Variants in PEF1 observed in about 807,000 individuals in gnomAD.
PEF1 encodes the protein penta-EF-hand domain containing 1.
PEF1 carries 17 observed loss-of-function variants against 32.0 expected under a neutral mutation model. The ratio of observed to expected loss-of-function variants is 0.53; its 90% CI spans 0.36 to 0.80. The LOEUF (loss-of-function observed/expected upper bound fraction) is 0.80. PEF1 is among the 30% of genes least tolerant of loss of function. The probability of loss-of-function intolerance (pLI) is 0.00; values close to 1 mark genes in which losing one functional copy is unlikely to be tolerated. For missense variants in PEF1, 362 were observed against 369.1 expected (o/e 0.98, Z 0.16); for synonymous variants, 130 against 139.8 (o/e 0.93, Z 0.50).
chr1:31,632,696 C>CTGAGGGGGA, intron 3 of PEF1, 58 bp from the exon 4 acceptor site: 1 of 1,566,226 alleles, frequency 6.4e-7, no homozygotes, highest in Non-Finnish European at 8.7e-7. Flanking sequence ...GCCAAGGGTC[C>CTGAGGGGGA]CCCTCAGGAC....
intron 1 of PEF1, among the ~76,000 whole-genome samples, chr1:31,640,895 T>C (rs1640375640): frequency 6.6e-6 from 1 of 151,934 alleles, no homozygotes. Flanking sequence ...CAAAGACAAG[T>C]TTGTACCCCA....
intron 1 of PEF1, among the ~76,000 whole-genome samples, chr1:31,637,846 C>T (rs552221118): frequency 2.0e-4 from 31 of 152,216 alleles, no homozygotes; most frequent in South Asian, 1.2e-3. Flanking sequence ...CTGAAAACCA[C>T]TCACATAAGA....
chr1:31,644,485 C>T, intron 1 of PEF1: 1 of 1,238,444 alleles, frequency 8.1e-7, no homozygotes, highest in Non-Finnish European at 1.0e-6. Flanking sequence ...ATCGGCGGAA[C>T]CAGAACTCTA....
At chr1:31,637,980 T>C (rs1640301055) in intron 1 of PEF1, among the ~76,000 whole-genome samples, 1 of 152,162 alleles carries the variant, frequency 6.6e-6, no homozygotes, top group African/African-American at 2.4e-5. Flanking sequence ...GGGTGGGGTA[T>C]AAAGGAGAGT....
intron 1 of PEF1, among the ~76,000 whole-genome samples, chr1:31,641,078 C>G (rs1640380231): frequency 6.6e-6 from 1 of 152,206 alleles, no homozygotes; most frequent in African/African-American, 2.4e-5. Context: ...ACTTCAATTA[C>G]CTCTGTGCTC....
chr1:31,643,821 G>A lies in PEF1; in HGVS notation c.24+1020C>T, dbSNP rs139708944. ...TCATCTCCTAAATAACTGTGTGATC[G>A]CAGCCCTCTGTGGGCTTCATTTCCT... On this transcript the variant is annotated intron_variant, in intron 1 of 4. Coordinates refer to ENST00000373703, the MANE Select transcript of PEF1 (RefSeq NM_012392.4). Among the ~76,000 whole-genome samples the A allele has an allele frequency of 2.7e-3, 408 of 152,208 alleles. 3 individuals are homozygous for A. The highest frequency in any genetic ancestry group is 9.2e-3 in the African/African-American group (381 of 41,498).
Position 31,633,281 on chromosome 1 carries a change from T to A in PEF1, c.359A>T (p.Tyr120Phe). ...GAPPNVDPEA[Y>F]SWFQSVDSDH... ...TGAGTCCACCGACTGGAACCAGGAG[T>A]AGGCCTCAGGATCCACATTGGGAGG... The change falls in exon 3 of 5, where the codon TAC (tyrosine) becomes TTC (phenylalanine). Residue 120 changes from tyrosine to phenylalanine, a missense_variant. Tyr to Phe is a conservative substitution (Grantham distance 22, BLOSUM62 3). Transcript: ENST00000373703. 1.2e-6 allele frequency: 2 copies of A among 1,613,472 alleles called. No individual in the cohort carries two copies. Among genetic ancestry groups the A allele is most frequent in the Non-Finnish European group, 1.7e-6 (2 of 1,179,748 alleles).
At position 31,630,678 on chromosome 1, in the gene PEF1, C is replaced by G. The variant is rs749213335; in HGVS notation, c.790G>C (p.Val264Leu). The G allele has an allele frequency of 5.0e-6, 8 of 1,613,794 alleles. No homozygotes were observed. The Admixed American group carries it at 1.2e-4, about 24-fold the overall frequency. ...TEAFREKDTA[V>L]QGNIRLSFED... is the part of the protein sequence containing the mutation. ...AAGCTGAGCCGAATGTTGCCTTGTACAGCTGTGTCCTTCTCCCGGAAGGCC... is the reference window on the plus strand; with the variant it reads ...AAGCTGAGCCGAATGTTGCCTTGTAGAGCTGTGTCCTTCTCCCGGAAGGCC... Residue 264 changes from valine to leucine, a missense_variant, in exon 5 of 5, where the codon GTA becomes CTA. Physicochemically the swap from Val to Leu is conservative, Grantham distance 32. Coordinates refer to ENST00000373703, the MANE Select transcript of PEF1 (RefSeq NM_012392.4).
At chr1:31,630,986 T>C in intron 4 of PEF1, 144 bp from the exon 5 acceptor site, 3 of 727,904 alleles carry the variant, frequency 4.1e-6, no homozygotes, top group Non-Finnish European at 4.7e-6. Flanking sequence ...ATCCCAAGGG[T>C]CTGTCTAAGA....
At chr1:31,642,334 G>A (rs939880841) in intron 1 of PEF1, among the ~76,000 whole-genome samples, 3 of 152,196 alleles carry the variant, frequency 2.0e-5, no homozygotes, top group African/African-American at 7.2e-5. Context: ...GCAGGGATTT[G>A]AAATCAACTC....
Position 31,630,537 on chromosome 1 carries a change from G to T in PEF1, c.*76C>A. ...CTTCTAGAGGGACAGGAAAAGAAGA[G>T]ATGTCCACATACTTCTCTCACTCTA... On this transcript the variant is annotated 3_prime_UTR_variant, in exon 5 of 5. Transcript: ENST00000373703. The T allele has an allele frequency of 7.4e-7, 1 of 1,351,920 alleles. No homozygotes were observed. The highest frequency in any genetic ancestry group is 1.0e-6 in the Non-Finnish European group (1 of 958,614). 83.7% of individuals were successfully genotyped at this position (1,351,920 alleles called of 1,614,324 possible).
At chr1:31,630,936 T>C in intron 4 of PEF1, 94 bp from the exon 5 acceptor site, 1 of 1,047,472 alleles carries the variant, frequency 9.5e-7, no homozygotes. Context: ...TTCAAGGAAC[T>C]TCGAGAGGAT....
chr1:31,637,833 A>C (rs12091663), intron 1 of PEF1, among the ~76,000 whole-genome samples: 55 of 152,248 alleles, frequency 3.6e-4, no homozygotes, highest in African/African-American at 1.3e-3. Context: ...CTGAAAAGAC[A>C]GTCTGAAAAC....
At chr1:31,643,113 G>A (rs952699538) in intron 1 of PEF1, among the ~76,000 whole-genome samples, 7 of 152,320 alleles carry the variant, frequency 4.6e-5, no homozygotes, top group Admixed American at 1.3e-4. Context: ...GAAACAAGGC[G>A]CTATGAATGT....
chr1:31,633,594 C>G (rs181891766), intron 2 of PEF1, among the ~76,000 whole-genome samples: 1 of 152,238 alleles, frequency 6.6e-6, no homozygotes, highest in Non-Finnish European at 1.5e-5. Flanking sequence ...GGGACCTGTA[C>G]CCCTGTAGCA....
chr1:31,641,746 C>T (rs753815918), intron 1 of PEF1, among the ~76,000 whole-genome samples: 1 of 152,260 alleles, frequency 6.6e-6, no homozygotes, highest in Non-Finnish European at 1.5e-5. Context: ...GTATCTCACT[C>T]TCCCGTGCTG....
chr1:31,642,431 A>G (rs1640419235), intron 1 of PEF1, among the ~76,000 whole-genome samples: 1 of 151,804 alleles, frequency 6.6e-6, no homozygotes, highest in Non-Finnish European at 1.5e-5. Flanking sequence ...GAATTTTACT[A>G]CTCCAATACC....
intron 1 of PEF1, among the ~76,000 whole-genome samples, chr1:31,642,137 G>A (rs895473534): frequency 2.0e-5 from 3 of 152,246 alleles, no homozygotes; most frequent in African/African-American, 7.2e-5. Flanking sequence ...GGAGGCTGAG[G>A]CAGGAGAACT....
In PEF1 at chr1:31,630,402, C is replaced by G; in HGVS notation, c.*211G>C. Reference sequence around the variant, plus strand: ...ATTCAACTTCTATCCTCTCCTCCATCAGGCCCCTATCTGTGTGGCCTCAGC... The same window carrying G: ...ATTCAACTTCTATCCTCTCCTCCATGAGGCCCCTATCTGTGTGGCCTCAGC... On this transcript the variant is annotated 3_prime_UTR_variant, in exon 5 of 5. Transcript: ENST00000373703. 3.4e-6 allele frequency: 2 copies of G among 586,428 alleles called. No individual in the cohort carries two copies. The highest frequency in any genetic ancestry group is 2.0e-5 in the South Asian group (1 of 49,582). The allele number at this position is 586,428 out of a possible 1,614,324, so 36.3% of individuals were successfully genotyped here. A position where few individuals can be genotyped will look rare whatever the true frequency, so the allele number is the denominator to read the frequency against.
Sources: allele counts gnomAD v4.1 joint callset (sites outside exome capture counted in the v4.1 genomes callset), GRCh38; gene constraint gnomAD v4.1.1; transcripts MANE v1.5; gene names NCBI Gene and HGNC (gene_info 2026-07-23, HGNC 2026-07-21).